The following TYW1 variants were observed in gnomAD, a reference collection of about 807,000 sequenced individuals.
TYW1 encodes the protein S-adenosyl-L-methionine-dependent tRNA 4-demethylwyosine synthase TYW1.
A neutral mutation model predicts 96.2 loss-of-function variants in TYW1; 46 were observed. The observed-to-expected ratio is 0.48, with a 90% CI of 0.38 to 0.61. The LOEUF is 0.61. Ranked by LOEUF, TYW1 falls within the 20% of genes least tolerant of loss-of-function variation. The probability of loss-of-function intolerance (pLI) is 0.00; values close to 1 mark genes in which losing one functional copy is unlikely to be tolerated. For synonymous variants in TYW1, 274 were observed against 323.0 expected (o/e 0.85, Z 1.63); for missense variants, 684 against 909.6 (o/e 0.75, Z 3.19).
intron 15 of TYW1, among the ~76,000 whole-genome samples, chr7:67,230,518 T>A (rs34471265): frequency 0.27 from 40,568 of 151,666 alleles, 5,788 homozygotes; most frequent in African/African-American, 0.36. Context: ...ACACCTCCAT[T>A]TCCCCCTCTC....
In TYW1 at chr7:67,175,636, G is replaced by C. The variant is rs560271155; in HGVS notation, c.1699-7490G>C. The stretch of plus-strand genomic sequence containing the variant: ...TCTAAGAATGCGAGTTTTGTTTAAT[G>C]TGTAAAAATCAACCTATTTATGATG... On this transcript the variant is annotated intron_variant, in intron 13 of 15. Transcript: ENST00000359626. Among the ~76,000 whole-genome samples the C allele has an allele frequency of 2.0e-5, 3 of 152,310 alleles. No homozygotes were observed. In the East Asian group the frequency reaches 5.8e-4, roughly 29 times the overall value.
Position 67,083,364 on chromosome 7 carries a change from A to C in TYW1, c.1275-66A>C. 4 of 1,509,540 alleles carry C rather than the reference A, an allele frequency of 2.6e-6. No individual in the cohort carries two copies. In the Middle Eastern group the frequency reaches 5.2e-4, roughly 197 times the overall value. 93.5% of individuals were successfully genotyped at this position (1,509,540 alleles called of 1,614,324 possible). On this transcript the variant is annotated intron_variant, in intron 10 of 15. Transcript: ENST00000359626. The stretch of plus-strand genomic sequence containing the variant: ...GTGATTTTTAAAAATGGATGACTTC[A>C]TCATAAATGACTAGCCCAGATCTTA...
Position 67,051,950 on chromosome 7 carries a change from GT to G in TYW1, c.1102+1888del, listed in dbSNP as rs1366678875. On this transcript the variant is annotated intron_variant, in intron 8 of 15. Transcript: ENST00000359626. ...GTTGACAGCTGTTTTTTCCTTCAGT[GT>G]TTTACAGATGTTACTCCACTGTCCT... Among the ~76,000 whole-genome samples, 5 of 152,044 alleles carry G rather than the reference GT, an allele frequency of 3.3e-5. No homozygotes were observed. In the East Asian group the frequency reaches 9.7e-4, roughly 29 times the overall value.
intron 13 of TYW1, among the ~76,000 whole-genome samples, chr7:67,139,257 G>A (rs1425452900): frequency 6.6e-6 from 1 of 152,162 alleles, no homozygotes; most frequent in Non-Finnish European, 1.5e-5. Flanking sequence ...TCACTATGTT[G>A]GCCAGGCTGG....
intron 12 of TYW1, among the ~76,000 whole-genome samples, chr7:67,110,148 G>T (rs941236800): frequency 7.9e-5 from 12 of 152,148 alleles, no homozygotes; most frequent in Non-Finnish European, 2.9e-5. Flanking sequence ...TCACAAAGCC[G>T]CCTCATGTGG....
intron 4 of TYW1, among the ~76,000 whole-genome samples, chr7:67,011,272 A>T (rs887943354): frequency 6.6e-6 from 1 of 152,068 alleles, no homozygotes; most frequent in Non-Finnish European, 1.5e-5. Flanking sequence ...TCCTGACATC[A>T]GGTGATTTAT....
chr7:67,193,215 G>A (rs1800277411), intron 14 of TYW1, among the ~76,000 whole-genome samples: 1 of 152,196 alleles, frequency 6.6e-6, no homozygotes, highest in African/African-American at 2.4e-5. Flanking sequence ...GTAGGGCACA[G>A]TTTCAGCTTG....
chr7:67,088,073 C>T (rs1403882675), intron 11 of TYW1, among the ~76,000 whole-genome samples: 2 of 152,124 alleles, frequency 1.3e-5, no homozygotes, highest in Non-Finnish European at 2.9e-5. Context: ...CTATATTGCG[C>T]AGGCTGGTCT....
chr7:67,088,094 G>A (rs1796605297), intron 11 of TYW1, among the ~76,000 whole-genome samples: 1 of 152,056 alleles, frequency 6.6e-6, no homozygotes. Flanking sequence ...TGAACTCCTG[G>A]GCTCAAATGA....
chr7:67,047,001 AG>A (rs1289252388), intron 7 of TYW1, among the ~76,000 whole-genome samples: 1 of 152,214 alleles, frequency 6.6e-6, no homozygotes, highest in African/African-American at 2.4e-5. Context: ...TAGTGGTCAG[AG>A]GCCAGTGTCA....
intron 7 of TYW1, among the ~76,000 whole-genome samples, chr7:67,035,262 G>T (rs1185450627): frequency 6.6e-6 from 1 of 152,108 alleles, no homozygotes; most frequent in East Asian, 1.9e-4. Flanking sequence ...GGGATTACAG[G>T]TGCATGCCAC....
chr7:67,207,968 G>A (rs1317960552), intron 15 of TYW1, among the ~76,000 whole-genome samples: 1 of 152,206 alleles, frequency 6.6e-6, no homozygotes, highest in East Asian at 1.9e-4. Context: ...TGATCCACCT[G>A]CCTCGGCCTC....
rs562684182 is a variant in TYW1 at position 67,009,406 on chromosome 7, G to A, written c.274-177G>A. Among the ~76,000 whole-genome samples, 21 of 152,296 alleles carry A rather than the reference G, an allele frequency of 1.4e-4. 1 individual carries two copies. The highest frequency in any genetic ancestry group is 1.5e-4 in the Non-Finnish European group (10 of 68,030). ...AGAACAACACAAATGAATGATCTCT[G>A]TAATGGTGCCCAAGAAAATGGTAAG... is the stretch of plus-strand genomic sequence containing the variant. On this transcript the variant is annotated intron_variant, in intron 3 of 15. Coordinates refer to ENST00000359626, the MANE Select transcript of TYW1 (RefSeq NM_018264.4).
chr7:67,041,149 A>G (rs1795007383), intron 7 of TYW1, among the ~76,000 whole-genome samples: 1 of 152,196 alleles, frequency 6.6e-6, no homozygotes. Context: ...GACACAAAAT[A>G]AGCTACCAGT....
intron 13 of TYW1, among the ~76,000 whole-genome samples, chr7:67,154,299 A>C (rs1798897737): frequency 6.6e-6 from 1 of 152,082 alleles, no homozygotes; most frequent in Non-Finnish European, 1.5e-5. Context: ...TTTTCAATAA[A>C]CTTGTATTTT....
At chr7:67,215,714 G>A (rs1013169328) in intron 15 of TYW1, among the ~76,000 whole-genome samples, 2 of 152,026 alleles carry the variant, frequency 1.3e-5, no homozygotes, top group African/African-American at 4.8e-5. Context: ...CCCACAATAA[G>A]CTGTCTGCAA....
chr7:67,106,400 T>C (rs1797245482), intron 12 of TYW1, among the ~76,000 whole-genome samples: 1 of 152,230 alleles, frequency 6.6e-6, no homozygotes, highest in South Asian at 2.1e-4. Context: ...GCTGATGTTA[T>C]TGCTGCGATG....
At chr7:67,006,091 C>G (rs1421270612) in intron 3 of TYW1, among the ~76,000 whole-genome samples, 2 of 152,128 alleles carry the variant, frequency 1.3e-5, no homozygotes, top group Non-Finnish European at 1.5e-5. Flanking sequence ...CCAAATCTTA[C>G]GTCGGATCGT....
At chr7:67,123,512 C>T (rs567311615) in intron 13 of TYW1, among the ~76,000 whole-genome samples, 8 of 152,198 alleles carry the variant, frequency 5.3e-5, no homozygotes, top group Admixed American at 1.3e-4. Context: ...ATCTTAGGTT[C>T]GTGTTGAGGC....
Sources: gnomAD v4.1 joint callset for allele counts (sites outside exome capture counted in the v4.1 genomes callset) on GRCh38, gnomAD v4.1.1 for gene constraint, MANE v1.5 for transcripts, NCBI Gene and HGNC (gene_info 2026-07-23, HGNC 2026-07-21) for gene names.